Variants in RBFOX1 observed in about 807,000 individuals in gnomAD.
RBFOX1 encodes RNA binding protein fox-1 homolog 1.
A neutral mutation model predicts 57.7 loss-of-function variants in RBFOX1; 8 were observed. The observed-to-expected ratio is 0.14, with a 90% CI of 0.08 to 0.25. RBFOX1 has a LOEUF of 0.25. RBFOX1 is among the 10% of genes least tolerant of loss of function. The pLI is 1.00. For synonymous variants in RBFOX1, 326 were observed against 222.4 expected, an observed-to-expected ratio of 1.47 and a Z score of -4.15; for missense variants, 611 against 548.5, an observed-to-expected ratio of 1.11 and a Z score of -1.14.
At chr16:6,746,726 T>C (rs1489452839) in intron 3 of RBFOX1, among the ~76,000 whole-genome samples, 1 of 152,104 alleles carries the variant, frequency 6.6e-6, no homozygotes, top group Admixed American at 6.5e-5. Flanking sequence ...TATTATTAAT[T>C]AATTGAAAGT....
At chr16:7,230,592 A>G (rs1405516913) in intron 4 of RBFOX1, among the ~76,000 whole-genome samples, 2 of 152,164 alleles carry the variant, frequency 1.3e-5, no homozygotes, top group Admixed American at 1.3e-4. Context: ...TCATTTCCCA[A>G]TCACGTGATG....
Position 6,350,726 on chromosome 16 carries a change from G to A in RBFOX1, c.-64+33669G>A, listed in dbSNP as rs952572596. Reference sequence around the variant, plus strand: ...ATTGTCCATGGATTTTCATATTTAAGCCTCATTAACAACACTAGGAGGTAG... The same window carrying A: ...ATTGTCCATGGATTTTCATATTTAAACCTCATTAACAACACTAGGAGGTAG... On this transcript the variant is annotated intron_variant, in intron 2 of 15. Transcript: ENST00000550418. Among the ~76,000 whole-genome samples the A allele has an allele frequency of 2.0e-5, 3 of 152,060 alleles. No homozygotes were observed. In the East Asian group the frequency reaches 5.8e-4, roughly 29 times the overall value.
intron 3 of RBFOX1, among the ~76,000 whole-genome samples, chr16:6,792,093 T>A (rs777548554): frequency 1.4e-4 from 21 of 152,174 alleles, no homozygotes; most frequent in Non-Finnish European, 2.8e-4. Context: ...CCTAAATACA[T>A]TTTAATAGTG....
At position 5,926,522 on chromosome 16, in the gene RBFOX1, A is replaced by G. The variant is rs577266130; in HGVS notation, c.351+59187A>G. 1.5e-4 allele frequency among the ~76,000 whole-genome samples: 23 copies of G among 152,272 alleles called. 1 individual carries two copies. The highest frequency in any genetic ancestry group is 5.3e-4 in the African/African-American group (22 of 41,550). On this transcript the variant is annotated intron_variant, in intron 4 of 19. Transcript: ENST00000641259. ...ACCTCACAATCATTATCCCATGCCA[A>G]TGTGACTGTAGCCCACTGACAGAAG... is the stretch of plus-strand genomic sequence containing the variant.
chr16:5,654,651 A>AGG (rs757521531), intron 3 of RBFOX1, among the ~76,000 whole-genome samples: 4 of 152,006 alleles, frequency 2.6e-5, no homozygotes, highest in African/African-American at 4.8e-5. Flanking sequence ...TTCGCATCTC[A>AGG]TTCACAACCT....
chr16:7,618,862 G>C (rs969271580), intron 10 of RBFOX1, among the ~76,000 whole-genome samples: 2 of 152,060 alleles, frequency 1.3e-5, no homozygotes, highest in Non-Finnish European at 2.9e-5. Context: ...GAACTTCCAT[G>C]GAATTGTTAT....
chr16:5,683,054 T>C (rs913928850), intron 3 of RBFOX1, among the ~76,000 whole-genome samples: 8 of 151,974 alleles, frequency 5.3e-5, no homozygotes, highest in Non-Finnish European at 1.2e-4. Flanking sequence ...TTTAGGGTTA[T>C]AGTAAGGATT....
At chr16:6,828,130 G>C (rs970271513) in intron 3 of RBFOX1, among the ~76,000 whole-genome samples, 2 of 152,170 alleles carry the variant, frequency 1.3e-5, no homozygotes, top group Non-Finnish European at 2.9e-5. Flanking sequence ...CAGCAGTCAG[G>C]AAGCAATTTG....
At chr16:6,878,273 A>G (rs1217712725) in intron 3 of RBFOX1, among the ~76,000 whole-genome samples, 2 of 152,184 alleles carry the variant, frequency 1.3e-5, no homozygotes, top group Non-Finnish European at 2.9e-5. Flanking sequence ...GATTTGAGTG[A>G]GGCCATGAGA....
At chr16:6,657,805 G>A (rs1014239194) in intron 3 of RBFOX1, among the ~76,000 whole-genome samples, 3 of 151,862 alleles carry the variant, frequency 2.0e-5, no homozygotes, top group African/African-American at 7.3e-5. Context: ...GAGAACTGGT[G>A]GTGCTTTCTT....
At chr16:7,145,339 G>T (rs752792899) in intron 4 of RBFOX1, among the ~76,000 whole-genome samples, 15 of 152,212 alleles carry the variant, frequency 9.9e-5, no homozygotes, top group Non-Finnish European at 1.9e-4. Context: ...CGATTAGCTG[G>T]GATTGCAGGC....
At chr16:5,293,511 C>T (rs1389180711) in intron 1 of RBFOX1, among the ~76,000 whole-genome samples, 2 of 152,158 alleles carry the variant, frequency 1.3e-5, no homozygotes, top group Non-Finnish European at 2.9e-5. Context: ...TGAGACAATA[C>T]CAAGGCTCTC....
At chr16:7,297,189 T>G (rs1409687218) in intron 4 of RBFOX1, among the ~76,000 whole-genome samples, 1 of 152,154 alleles carries the variant, frequency 6.6e-6, no homozygotes, top group Non-Finnish European at 1.5e-5. Flanking sequence ...CCATGGCTTG[T>G]AGGAACAAAA....
At chr16:7,486,102 T>G (rs1599683750) in intron 4 of RBFOX1, among the ~76,000 whole-genome samples, 1 of 150,302 alleles carries the variant, frequency 6.7e-6, no homozygotes, top group Admixed American at 6.7e-5. Context: ...TCTGTGGGTA[T>G]TTGTGTGTTT....
At chr16:5,385,521 C>G (rs926130328) in intron 1 of RBFOX1, among the ~76,000 whole-genome samples, 1 of 152,136 alleles carries the variant, frequency 6.6e-6, no homozygotes, top group Non-Finnish European at 1.5e-5. Context: ...ATTCGGGGAG[C>G]ATTCCTCTCA....
intron 2 of RBFOX1, among the ~76,000 whole-genome samples, chr16:5,513,581 A>T (rs560019991): frequency 1.1e-4 from 16 of 152,156 alleles, no homozygotes; most frequent in Non-Finnish European, 2.1e-4. Context: ...GCTTTCATTG[A>T]TGGAGGAGTA....
At chr16:6,906,125 C>T (rs74810330) in intron 3 of RBFOX1, among the ~76,000 whole-genome samples, 7,229 of 152,196 alleles carry the variant, frequency 0.047, 300 homozygotes, top group South Asian at 0.13. Context: ...AATTATAATG[C>T]CTCACTTAGG....
At chr16:7,402,832 C>G (rs141656816) in intron 4 of RBFOX1, among the ~76,000 whole-genome samples, 2 of 152,278 alleles carry the variant, frequency 1.3e-5, no homozygotes, top group African/African-American at 4.8e-5. Flanking sequence ...TGTTATTTAT[C>G]TGAGGGCACC....
chr16:6,549,777 C>A (rs2096958239), intron 2 of RBFOX1, among the ~76,000 whole-genome samples: 1 of 151,960 alleles, frequency 6.6e-6, no homozygotes, highest in South Asian at 2.1e-4. Context: ...ATGAAATAGG[C>A]AGATGTAGAA....
Sources: allele counts gnomAD v4.1 joint callset (sites outside exome capture counted in the v4.1 genomes callset), GRCh38; gene constraint gnomAD v4.1.1; transcripts MANE v1.5; gene names NCBI Gene and HGNC (gene_info 2026-07-23, HGNC 2026-07-21).